RGMA: variants seen among roughly 807,000 people sequenced by gnomAD.
RGMA encodes the protein repulsive guidance molecule A.
A neutral mutation model predicts 23.2 loss-of-function variants in RGMA; 10 were observed. The observed-to-expected ratio is 0.43, with a 90% confidence interval of 0.27 to 0.73. RGMA has a LOEUF of 0.73. RGMA is among the 30% of genes least tolerant of loss of function. The pLI is 0.20. For missense variants in RGMA, 547 were observed against 630.5 expected (o/e 0.87, Z 1.42); for synonymous variants, 308 against 279.3 (o/e 1.10, Z -1.03).
At chr15:93,076,306 A>C (rs947087999) in intron 1 of RGMA, among the ~76,000 whole-genome samples, 2 of 142,624 alleles carry the variant, frequency 1.4e-5, no homozygotes, top group Admixed American at 1.3e-4. Flanking sequence ...ATGGGGGGAA[A>C]GGGGTCAAGG....
intron 2 of RGMA, chr15:93,065,796 G>A: frequency 1.0e-6 from 1 of 975,664 alleles, no homozygotes. Flanking sequence ...GGCTGGGGTG[G>A]TCTGGGCCAG....
intron 1 of RGMA, among the ~76,000 whole-genome samples, chr15:93,085,693 A>G (rs1229483745): frequency 6.6e-6 from 1 of 152,208 alleles, no homozygotes; most frequent in Non-Finnish European, 1.5e-5. Flanking sequence ...AGACATTTGC[A>G]TTTATTTTGT....
chr15:93,078,543 G>C (rs1895509315), intron 1 of RGMA, among the ~76,000 whole-genome samples: 1 of 152,202 alleles, frequency 6.6e-6, no homozygotes, highest in Admixed American at 6.5e-5. Flanking sequence ...TCTCAGATTT[G>C]ATGAATCAGT....
intron 2 of RGMA, among the ~76,000 whole-genome samples, chr15:93,061,104 G>A (rs1014087854): frequency 6.6e-6 from 1 of 152,172 alleles, no homozygotes. Flanking sequence ...TCTGAGGGTT[G>A]GGGACCCCCA....
chr15:93,076,260 C>G (rs1169073537), intron 1 of RGMA, among the ~76,000 whole-genome samples: 1 of 150,802 alleles, frequency 6.6e-6, no homozygotes, highest in African/African-American at 2.5e-5. Flanking sequence ...TCCCCCTCCA[C>G]CTTCTCTCCC....
chr15:93,047,109 T>C (rs1383856344), intron 3 of RGMA, among the ~76,000 whole-genome samples: 1 of 152,170 alleles, frequency 6.6e-6, no homozygotes, highest in Admixed American at 6.5e-5. Context: ...GATTAGACTC[T>C]GCGTTTCCAG....
intron 2 of RGMA, among the ~76,000 whole-genome samples, chr15:93,059,768 C>G (rs887944380): frequency 6.6e-6 from 1 of 152,158 alleles, no homozygotes; most frequent in African/African-American, 2.4e-5. Flanking sequence ...AAATCTGGCC[C>G]AGCATCAAAA....
At position 93,039,137 on chromosome 15, in the gene RGMA, C is replaced by T. The variant is rs967110735; in HGVS notation, c.*5861G>A. 1.3e-5 allele frequency: 2 copies of T among 152,106 alleles called. No homozygotes were observed. The highest frequency in any genetic ancestry group is 2.1e-4 in the South Asian group (1 of 4,818). 9.4% of individuals were successfully genotyped at this position (152,106 alleles called of 1,614,324 possible). A position where few individuals can be genotyped will look rare whatever the true frequency, so the allele number is the denominator to read the frequency against. ...TTTTCTCATGCTGGCTGTTTTTTACCCTCAAACATTGGACTCCAAGTTCTT... is the reference window on the plus strand; with the variant it reads ...TTTTCTCATGCTGGCTGTTTTTTACTCTCAAACATTGGACTCCAAGTTCTT... On this transcript the variant is annotated 3_prime_UTR_variant, in exon 4 of 4. Coordinates refer to ENST00000329082, the MANE Select transcript of RGMA (RefSeq NM_020211.3).
chr15:93,059,813 C>CA (rs1298219417), intron 2 of RGMA, among the ~76,000 whole-genome samples: 5 of 152,218 alleles, frequency 3.3e-5, no homozygotes, highest in African/African-American at 4.8e-5. Flanking sequence ...AAAGAGATCT[C>CA]AGAGAGGCCG....
intron 2 of RGMA, among the ~76,000 whole-genome samples, chr15:93,067,552 G>C (rs985185251): frequency 6.6e-6 from 1 of 151,072 alleles, no homozygotes; most frequent in African/African-American, 2.4e-5. Context: ...AGGTGTCCCC[G>C]GCGTCGGGGG....
At chr15:93,048,250 G>A (rs144318381) in intron 3 of RGMA, among the ~76,000 whole-genome samples, 3 of 152,288 alleles carry the variant, frequency 2.0e-5, no homozygotes, top group African/African-American at 7.2e-5. Context: ...AGCCTGAGGG[G>A]TGTGGAACCC....
rs1357283119 is a variant in RGMA, at chr15:93,038,881, TTTAATA to T, written c.*6111_*6116del. 6.6e-6 allele frequency: 1 copy of T among 152,098 alleles called. No individual in the cohort carries two copies. The highest frequency in any genetic ancestry group is 1.5e-5 in the Non-Finnish European group (1 of 68,038). 9.4% of individuals were successfully genotyped at this position (152,098 alleles called of 1,614,324 possible). A position where few individuals can be genotyped will look rare whatever the true frequency, so the allele number is the denominator to read the frequency against. Reference sequence around the variant, plus strand: ...GAGCCACCGCTCCCGGCCGAAACTGTTTAATATTGAGTGCCAACTTGATTGGATTGG... The same window carrying T: ...GAGCCACCGCTCCCGGCCGAAACTGTTTGAGTGCCAACTTGATTGGATTGG... On this transcript the variant is annotated 3_prime_UTR_variant, in exon 4 of 4. Transcript: ENST00000329082.
rs2054656396 is a variant in RGMA, at chr15:93,035,994, C to G, written c.*9004G>C. The G allele has an allele frequency of 6.6e-6, 1 of 152,298 alleles. No individual in the cohort carries two copies. The highest frequency in any genetic ancestry group is 6.5e-5 in the Admixed American group (1 of 15,290). The allele number at this position is 152,298 out of a possible 1,614,324, so 9.4% of individuals were successfully genotyped here. A position where few individuals can be genotyped will look rare whatever the true frequency, so the allele number is the denominator to read the frequency against. ...CGCTTCCTTCTGCCACCCGCATCCC[C>G]TTCCCTGATGGGCTGGTCACCGTGA... On this transcript the variant is annotated 3_prime_UTR_variant, in exon 4 of 4. Coordinates refer to ENST00000329082, the MANE Select transcript of RGMA (RefSeq NM_020211.3).
intron 2 of RGMA, among the ~76,000 whole-genome samples, chr15:93,072,506 CT>C (rs984074707): frequency 1.3e-3 from 192 of 152,288 alleles, no homozygotes; most frequent in African/African-American, 4.3e-3. Flanking sequence ...GGCTCCACCC[CT>C]GGGCACCCGG....
chr15:93,088,348 C>A (rs764166030), intron 1 of RGMA: 32 of 985,384 alleles, frequency 3.2e-5, no homozygotes, highest in Non-Finnish European at 3.7e-5. Context: ...CTTAGGAAAG[C>A]CGGGGCGGCT....
chr15:93,063,365 C>A (rs1293864798), intron 2 of RGMA, among the ~76,000 whole-genome samples: 2 of 152,232 alleles, frequency 1.3e-5, no homozygotes, highest in Non-Finnish European at 2.9e-5. Flanking sequence ...ACGCTGCCAC[C>A]CCTCCCCACC....
At chr15:93,052,634 C>CA in intron 2 of RGMA, 127 bp from the exon 3 acceptor site, 1 of 1,062,216 alleles carries the variant, frequency 9.4e-7, no homozygotes, top group African/African-American at 1.6e-5. Flanking sequence ...ATGCCACACA[C>CA]AGATGGTGAA....
At chr15:93,085,324 G>T (rs1291566393) in intron 1 of RGMA, among the ~76,000 whole-genome samples, 1 of 152,118 alleles carries the variant, frequency 6.6e-6, no homozygotes, top group African/African-American at 2.4e-5. Context: ...ACTCATACCC[G>T]CTGATCTCTG....
At chr15:93,052,874 G>T (rs2054951322) in intron 2 of RGMA, among the ~76,000 whole-genome samples, 1 of 152,194 alleles carries the variant, frequency 6.6e-6, no homozygotes, top group South Asian at 2.1e-4. Context: ...AAGAATTTTG[G>T]CTAAAGCAAC....
Sources: allele counts gnomAD v4.1 joint callset (sites outside exome capture counted in the v4.1 genomes callset), GRCh38; gene constraint gnomAD v4.1.1; transcripts MANE v1.5; gene names NCBI Gene and HGNC (gene_info 2026-07-23, HGNC 2026-07-21).